TFRC: variants seen among roughly 807,000 people sequenced by gnomAD.
The protein encoded by TFRC is transferrin receptor, also known as transferrin receptor protein 1.
TFRC carries 35 observed loss-of-function variants against 85.8 expected under a neutral mutation model. The observed-to-expected ratio is 0.41, with a 90% confidence interval of 0.31 to 0.54. The LOEUF is 0.54. Among genes scored for constraint, TFRC ranks in the 20% least tolerant of loss-of-function variants. The pLI is 0.31. For missense variants in TFRC, 828 were observed against 921.5 expected (o/e 0.90, Z 1.31); for synonymous variants, 362 against 328.6 (o/e 1.10, Z -1.10).
Position 196,071,448 on chromosome 3 carries a change from A to AAACAAC in TFRC, c.634_635insGTTGTT (p.Tyr211_Leu212insArgCys). On this transcript the variant is annotated inframe_insertion, in exon 6 of 19. Coordinates refer to ENST00000360110, the MANE Select transcript of TFRC (RefSeq NM_001128148.3). Reference sequence around the variant, plus strand: ...CACATAACCCCCAGGATTCTCCACCAGGTAAACAAGTCTACCGTTCTTATC... The same window carrying AAACAAC: ...CACATAACCCCCAGGATTCTCCACCAAACAACGGTAAACAAGTCTACCGTTCTTATC... 6.2e-7 allele frequency: 1 copy of AAACAAC among 1,614,160 alleles called. No homozygotes were observed. Among genetic ancestry groups the AAACAAC allele is most frequent in the Non-Finnish European group, 8.5e-7 (1 of 1,179,998 alleles).
chr3:196,073,189 CA>C (rs1200978399), intron 4 of TFRC, among the ~76,000 whole-genome samples: 2 of 151,544 alleles, frequency 1.3e-5, no homozygotes, highest in Non-Finnish European at 2.9e-5. Context: ...CACTGCACTC[CA>C]GCCTGGGCAA....
chr3:196,074,113 C>G lies in TFRC; in HGVS notation c.251G>C (p.Gly84Ala), dbSNP rs1325960959. The stretch of plus-strand genomic sequence containing the variant: ...TACCCCTTTACAATAGCCCAAGTAG[C>G]CAATCATAAATCCTAAAGAGACAAA... Reference protein sequence around the residue: ...IVFFLIGFMIGYLGYCKGVEP... With the variant: ...IVFFLIGFMIAYLGYCKGVEP... The change falls in exon 4 of 19, where the codon GGC becomes GCC. Residue 84 changes from glycine (G) to alanine (A), a missense_variant. Gly to Ala is a moderately conservative substitution (Grantham distance 60, BLOSUM62 0). Coordinates refer to ENST00000360110, the MANE Select transcript of TFRC (RefSeq NM_001128148.3). 1.2e-5 allele frequency: 19 copies of G among 1,612,592 alleles called. No homozygotes were observed. Among genetic ancestry groups the G allele is most frequent in the Non-Finnish European group, 1.6e-5 (19 of 1,179,354 alleles).
At chr3:196,059,325 A>AAAAC (rs560570167) in intron 14 of TFRC, among the ~76,000 whole-genome samples, 8 of 152,098 alleles carry the variant, frequency 5.3e-5, no homozygotes, top group Non-Finnish European at 8.8e-5. Context: ...CTCCATCTCA[A>AAAAC]AAACAAACAA....
chr3:196,060,595 GA>G (rs1185945255), intron 13 of TFRC: 9 of 191,832 alleles, frequency 4.7e-5, no homozygotes, highest in Admixed American at 3.5e-4. Context: ...TCAGGAGATC[GA>G]GACCATCTTG....
At chr3:196,080,664 T>TG (rs1169844695) in intron 1 of TFRC, among the ~76,000 whole-genome samples, 1 of 152,276 alleles carries the variant, frequency 6.6e-6, no homozygotes, top group Middle Eastern at 3.2e-3. Flanking sequence ...GCCAAACTGC[T>TG]GTCTATCTAA....
At chr3:196,057,343 C>A (rs1472802980) in intron 16 of TFRC, among the ~76,000 whole-genome samples, 2 of 152,090 alleles carry the variant, frequency 1.3e-5, no homozygotes, top group East Asian at 3.9e-4. Flanking sequence ...CAGTCACGTA[C>A]CCCCTGCTTG....
intron 10 of TFRC, 81 bp from the exon 11 acceptor site, chr3:196,064,509 G>A: frequency 2.2e-6 from 3 of 1,364,286 alleles, no homozygotes; most frequent in South Asian, 1.5e-5. Flanking sequence ...TCAGTAGAAA[G>A]GTAAAAGCAC....
At chr3:196,060,349 G>T (rs1161522026) in intron 13 of TFRC, 102 bp from the exon 14 acceptor site, 2 of 978,034 alleles carry the variant, frequency 2.0e-6, no homozygotes, top group African/African-American at 1.6e-5. Flanking sequence ...CAGTAATCTA[G>T]ATCAGTGGCC....
intron 18 of TFRC, 47 bp from the exon 19 acceptor site, chr3:196,052,231 G>T: frequency 6.5e-7 from 1 of 1,530,880 alleles, no homozygotes; most frequent in Non-Finnish European, 8.8e-7. Flanking sequence ...TGTGACTTTT[G>T]TAGTAAAACA....
intron 3 of TFRC, 66 bp from the exon 4 acceptor site, chr3:196,074,191 T>A: frequency 6.9e-7 from 1 of 1,441,742 alleles, no homozygotes; most frequent in Non-Finnish European, 9.4e-7. Flanking sequence ...GTTAATCTGT[T>A]AATATTTTCA....
intron 9 of TFRC, among the ~76,000 whole-genome samples, 169 bp from the exon 10 acceptor site, chr3:196,065,769 A>G (rs1003081640): frequency 1.3e-5 from 2 of 152,096 alleles, no homozygotes; most frequent in African/African-American, 4.8e-5. Flanking sequence ...AGGCAGGTGG[A>G]TCACAAGGTC....
intron 3 of TFRC, 102 bp downstream of exon 3, chr3:196,075,046 CAAAAAAAAAAA>C (rs56119775): frequency 5.6e-6 from 3 of 535,706 alleles, no homozygotes; most frequent in Non-Finnish European, 8.6e-6. Flanking sequence ...CCTCTGTCTC[CAAAAAAAAAAA>C]AAAAAAAAAT....
At chr3:196,062,307 A>G in intron 13 of TFRC, 1 of 373,582 alleles carries the variant, frequency 2.7e-6, no homozygotes, top group Non-Finnish European at 4.9e-6. Context: ...CGAGGCAGGC[A>G]GATCGCCTGA....
chr3:196,078,437 T>C lies in TFRC; in HGVS notation c.-23-1315A>G, dbSNP rs945765468. ...ACTTTGGGAGGCCGAGGCAGGTGGA[T>C]CACGAGGTCAGGAGTTTGAGACCAG... On this transcript the variant is annotated intron_variant, in intron 1 of 18. Coordinates refer to ENST00000360110, the MANE Select transcript of TFRC (RefSeq NM_001128148.3). Among the ~76,000 whole-genome samples, 41 of 152,100 alleles carry C rather than the reference T, an allele frequency of 2.7e-4. 1 individual carries two copies. The highest frequency in any genetic ancestry group is 6.3e-3 in the Middle Eastern group (2 of 316).
At chr3:196,068,703 G>A (rs1717940457) in intron 7 of TFRC, among the ~76,000 whole-genome samples, 1 of 150,580 alleles carries the variant, frequency 6.6e-6, no homozygotes, top group Non-Finnish European at 1.5e-5. Flanking sequence ...CAAGGCAGGT[G>A]GATCACCTGA....
At chr3:196,068,610 CAAAAAAA>C (rs55807772) in intron 7 of TFRC, among the ~76,000 whole-genome samples, 1 of 41,816 alleles carries the variant, frequency 2.4e-5, no homozygotes, top group South Asian at 1.3e-3. Flanking sequence ...AACTCCCTCT[CAAAAAAA>C]AAAAAAAAAA....
rs762642181 is a variant in TFRC, at chr3:196,069,513, G to A, written c.743C>T (p.Thr248Ile). 36 of 1,613,516 alleles carry A rather than the reference G, an allele frequency of 2.2e-5. No homozygotes were observed. The East Asian group carries it at 7.1e-4, about 32-fold the overall frequency. ...GTKKDFEDLY[T>I]PVNGSIVIVR... ...AATCACTATAGATCCATTCACAGGA[G>A]TGTATAAATCCTCAAAATCTTTTTT... The change falls in exon 7 of 19, where the codon ACT (threonine) becomes ATT (isoleucine). Residue 248 changes from threonine to isoleucine, a missense_variant. By Grantham distance (89) the Thr-to-Ile change is moderately conservative. Coordinates refer to ENST00000360110, the MANE Select transcript of TFRC (RefSeq NM_001128148.3).
rs1002123107 is a variant in TFRC at position 196,049,542 on chromosome 3, T to C, written c.*2400A>G. On this transcript the variant is annotated 3_prime_UTR_variant, in exon 19 of 19. Coordinates refer to ENST00000360110, the MANE Select transcript of TFRC (RefSeq NM_001128148.3). ...CATCTCAAGACCAGGAGCTTGTCAC[T>C]AGTCTGATATTTCATTCAGGAATAT... is the stretch of plus-strand genomic sequence containing the variant. 5 of 220,626 alleles carry C rather than the reference T, an allele frequency of 2.3e-5. No homozygotes were observed. The highest frequency in any genetic ancestry group is 4.5e-5 in the Non-Finnish European group (5 of 110,306). The allele number at this position is 220,626 out of a possible 1,614,324, so 13.7% of individuals were successfully genotyped here.
In TFRC at chr3:196,071,377, A is replaced by G. The variant is rs1437586764; in HGVS notation, c.687+19T>C. 4.4e-6 allele frequency: 7 copies of G among 1,591,220 alleles called. No homozygotes were observed. Among genetic ancestry groups the G allele is most frequent in the East Asian group, 2.2e-5 (1 of 44,754 alleles). ...GATTCAATAGGGAAGAGTCTCATGC[A>G]CTGTTTTGCTTTACTTACAGTAACT... On this transcript the variant is annotated intron_variant, in intron 6 of 18. Transcript: ENST00000360110.
Sources: allele counts gnomAD v4.1 joint callset (sites outside exome capture counted in the v4.1 genomes callset), GRCh38; gene constraint gnomAD v4.1.1; transcripts MANE v1.5; gene names NCBI Gene and HGNC (gene_info 2026-07-23, HGNC 2026-07-21).